Variants in GDPD4 observed in about 807,000 individuals in gnomAD.
GDPD4 encodes glycerophosphodiester phosphodiesterase 6.
GDPD4 carries 60 observed loss-of-function variants against 67.8 expected under a neutral mutation model. The observed-to-expected ratio is 0.88, with a 90% CI of 0.72 to 1.10. GDPD4 has a LOEUF of 1.10. GDPD4 is among the 50% of genes least tolerant of loss of function. GDPD4 has a pLI of 0.00. For synonymous variants in GDPD4, 212 were observed against 210.9 expected, an observed-to-expected ratio of 1.00 and a Z score of -0.04; for missense variants, 623 against 613.9, an observed-to-expected ratio of 1.01 and a Z score of -0.16.
chr11:77,238,610 A>G (rs187568462), intron 13 of GDPD4, among the ~76,000 whole-genome samples: 1 of 151,776 alleles, frequency 6.6e-6, no homozygotes, highest in East Asian at 1.9e-4. Context: ...AAATTATGTT[A>G]TGTGAATTTC....
intron 1 of GDPD4, among the ~76,000 whole-genome samples, chr11:77,287,667 G>A (rs1191075755): frequency 6.6e-6 from 1 of 152,050 alleles, no homozygotes; most frequent in Admixed American, 6.6e-5. Flanking sequence ...CTCTAAAGTG[G>A]GACAATATTC....
At chr11:77,271,069 G>A in intron 7 of GDPD4, 61 bp downstream of exon 7, 1 of 1,132,906 alleles carries the variant, frequency 8.8e-7, no homozygotes, top group South Asian at 1.3e-5. Flanking sequence ...TTCCTGAGTG[G>A]AGTATGCAAG....
At chr11:77,268,670 C>A in intron 9 of GDPD4, 131 bp from the exon 10 acceptor site, 1 of 780,872 alleles carries the variant, frequency 1.3e-6, no homozygotes, top group Non-Finnish European at 2.2e-6. Flanking sequence ...CTTTCAAAAC[C>A]TGTATACCCT....
chr11:77,248,602 T>C (rs1958827142), intron 11 of GDPD4, among the ~76,000 whole-genome samples: 1 of 152,196 alleles, frequency 6.6e-6, no homozygotes, highest in African/African-American at 2.4e-5. Context: ...ACTTAAGTAG[T>C]GGGAGTATCT....
chr11:77,241,848 G>C (rs1161065361), intron 13 of GDPD4, among the ~76,000 whole-genome samples: 1 of 151,950 alleles, frequency 6.6e-6, no homozygotes, highest in Non-Finnish European at 1.5e-5. Context: ...CAGGAGAACT[G>C]CTTGAATCCA....
At chr11:77,242,262 C>T (rs1958681897) in intron 13 of GDPD4, among the ~76,000 whole-genome samples, 2 of 152,086 alleles carry the variant, frequency 1.3e-5, no homozygotes, top group Non-Finnish European at 1.5e-5. Context: ...TAAAACATCA[C>T]ATTGTACCCT....
At chr11:77,290,200 G>T (rs899502334) in intron 1 of GDPD4, among the ~76,000 whole-genome samples, 3 of 152,180 alleles carry the variant, frequency 2.0e-5, no homozygotes, top group Non-Finnish European at 2.9e-5. Flanking sequence ...ACTAATAGTG[G>T]ATTTCTCAGT....
chr11:77,280,418 T>A (rs1378744562), intron 3 of GDPD4, among the ~76,000 whole-genome samples: 3 of 141,148 alleles, frequency 2.1e-5, no homozygotes, highest in African/African-American at 7.6e-5. Flanking sequence ...AAAAAAATTT[T>A]CGAAATTAAA....
At chr11:77,225,138 C>T (rs1032315005) in intron 16 of GDPD4, among the ~76,000 whole-genome samples, 18 of 151,766 alleles carry the variant, frequency 1.2e-4, no homozygotes, top group Non-Finnish European at 2.1e-4. Flanking sequence ...GTAAACACAG[C>T]AATAGAATCT....
At chr11:77,219,638 C>T (rs979152148) in intron 16 of GDPD4, among the ~76,000 whole-genome samples, 1 of 152,188 alleles carries the variant, frequency 6.6e-6, no homozygotes, top group Non-Finnish European at 1.5e-5. Flanking sequence ...ATAGGGAATC[C>T]TTTCCCCATT....
chr11:77,245,836 C>T (rs887103273), intron 11 of GDPD4, among the ~76,000 whole-genome samples: 5 of 152,136 alleles, frequency 3.3e-5, no homozygotes, highest in East Asian at 1.9e-4. Context: ...CATGGGCTCC[C>T]GCTATTCTAG....
intron 5 of GDPD4, among the ~76,000 whole-genome samples, chr11:77,272,924 G>T (rs1434400971): frequency 6.6e-6 from 1 of 151,990 alleles, no homozygotes; most frequent in Non-Finnish European, 1.5e-5. Flanking sequence ...AAGAAACATT[G>T]CTTCACAGGC....
chr11:77,276,289 T>C (rs1959465190), intron 4 of GDPD4, 69 bp from the exon 5 acceptor site: 1 of 1,177,926 alleles, frequency 8.5e-7, no homozygotes, highest in African/African-American at 1.5e-5. Context: ...GCACTGTTCC[T>C]ATAGCTCCAA....
chr11:77,236,564 A>G (rs192242201), intron 13 of GDPD4, among the ~76,000 whole-genome samples: 29 of 152,362 alleles, frequency 1.9e-4, no homozygotes, highest in South Asian at 1.2e-3. Flanking sequence ...AACACAAATT[A>G]TAAGGCGGCC....
chr11:77,295,838 T>C (rs1342827173), intron 1 of GDPD4, among the ~76,000 whole-genome samples: 2 of 152,146 alleles, frequency 1.3e-5, no homozygotes, highest in Non-Finnish European at 2.9e-5. Context: ...AGGCCACAGA[T>C]TGGGAGAAAA....
chr11:77,259,567 C>CTTTAA (rs536137648), intron 10 of GDPD4, among the ~76,000 whole-genome samples: 3 of 143,886 alleles, frequency 2.1e-5, no homozygotes, highest in Admixed American at 6.9e-5. Context: ...CTGAGAAAAG[C>CTTTAA]AAAAAAAAAA....
chr11:77,291,342 A>T (rs114378401), intron 1 of GDPD4, among the ~76,000 whole-genome samples: 1,901 of 152,280 alleles, frequency 0.012, 39 homozygotes, highest in African/African-American at 0.044. Flanking sequence ...TAATGAGTAG[A>T]ATGATAATTA....
At chr11:77,223,436 A>G (rs190852429) in intron 16 of GDPD4, among the ~76,000 whole-genome samples, 98 of 152,324 alleles carry the variant, frequency 6.4e-4, no homozygotes, top group African/African-American at 2.3e-3. Context: ...TCTAACAAAC[A>G]GTCAGGTCCC....
chr11:77,294,129 A>C (rs1192915955), intron 1 of GDPD4, among the ~76,000 whole-genome samples: 1 of 152,226 alleles, frequency 6.6e-6, no homozygotes. Flanking sequence ...TTACATCACG[A>C]AACAGCAAAA....
Sources: allele counts gnomAD v4.1 joint callset (sites outside exome capture counted in the v4.1 genomes callset), GRCh38; gene constraint gnomAD v4.1.1; transcripts MANE v1.5; gene names NCBI Gene and HGNC (gene_info 2026-07-23, HGNC 2026-07-21).